Variants in CCDC57 observed in about 807,000 individuals in gnomAD.
CCDC57 encodes the protein coiled-coil domain-containing protein 57.
CCDC57 carries 118 observed loss-of-function variants against 118.9 expected under a neutral mutation model. That is an observed-to-expected ratio of 0.99 (90% CI 0.86 to 1.16). CCDC57 has a LOEUF of 1.16. Ranked by LOEUF, CCDC57 falls within the 50% of genes most tolerant of loss-of-function variation. The pLI is 0.00. For missense variants in CCDC57, 1,300 were observed against 1,320.7 expected (o/e 0.98, Z 0.24); for synonymous variants, 527 against 532.9 (o/e 0.99, Z 0.15).
intron 8 of CCDC57, among the ~76,000 whole-genome samples, chr17:82,185,869 A>G (rs1419079010): frequency 6.6e-6 from 1 of 152,184 alleles, no homozygotes; most frequent in East Asian, 1.9e-4. Context: ...TTAAGAAAGA[A>G]AAAAAGGAAC....
chr17:82,122,633 C>G (rs1568172102), intron 19 of CCDC57, among the ~76,000 whole-genome samples: 1 of 152,254 alleles, frequency 6.6e-6, no homozygotes, highest in Non-Finnish European at 1.5e-5. Context: ...TGTCTCCCGC[C>G]AGGCTTGCTT....
intron 19 of CCDC57, among the ~76,000 whole-genome samples, chr17:82,121,101 C>T (rs1369458817): frequency 6.6e-6 from 1 of 152,116 alleles, no homozygotes; most frequent in Admixed American, 6.5e-5. Flanking sequence ...AAATACCAGC[C>T]GTTGCCAGGC....
At position 82,172,776 on chromosome 17, in the gene CCDC57, A is replaced by G. The variant is rs745321215; in HGVS notation, c.1591T>C (p.Leu531=). The change falls in exon 12 of 20, where the codon TTG becomes CTG. Residue 531 remains leucine (L), a synonymous_variant. Coordinates refer to ENST00000665763, the Ensembl canonical transcript of CCDC57. This position sits in a 1 kb window ranked among gnomAD's most constrained non-coding sequence, Gnocchi z 5.2. The stretch of plus-strand genomic sequence containing the variant: ...CTCATCTGGGCAATCGCGTTTCGCA[A>G]GCTCGTGTTCTGCTCTCGGAGCCGC... 6.2e-7 allele frequency: 1 copy of G among 1,613,254 alleles called. No homozygotes were observed. The highest frequency in any genetic ancestry group is 8.5e-7 in the Non-Finnish European group (1 of 1,179,654).
intron 19 of CCDC57, among the ~76,000 whole-genome samples, chr17:82,108,550 A>C (rs2035023583): frequency 6.6e-6 from 1 of 152,170 alleles, no homozygotes; most frequent in African/African-American, 2.4e-5. Context: ...AGGGTAGTGC[A>C]TGTGACGGTG....
At chr17:82,134,881 T>C (rs2038933649) in intron 16 of CCDC57, among the ~76,000 whole-genome samples, 1 of 152,190 alleles carries the variant, frequency 6.6e-6, no homozygotes, top group South Asian at 2.1e-4. Context: ...CTAGCTTACT[T>C]AGAAATGACC....
chr17:82,127,692 C>A lies in CCDC57; in HGVS notation c.2899G>T (p.Glu967Ter). The change falls in exon 19 of 20, where the codon GAG (glutamate) becomes TAG (stop). Residue 967 changes from glutamate (E) to a stop codon, truncating the protein, a stop_gained and splice_region_variant. Transcript: ENST00000665763. LOFTEE classifies it low-confidence loss of function (END_TRUNC). ...GCTCCTGGGGAGGGCAGTCTCCTAC[C>A]TGGAGTTGAGTCACCCTGGGAGGTG... The A allele has an allele frequency of 6.3e-7, 1 of 1,599,820 alleles. No individual in the cohort carries two copies. The highest frequency in any genetic ancestry group is 8.5e-7 in the Non-Finnish European group (1 of 1,172,972).
At chr17:82,188,884 A>G (rs2047311964) in intron 7 of CCDC57, among the ~76,000 whole-genome samples, 1 of 152,096 alleles carries the variant, frequency 6.6e-6, no homozygotes, top group African/African-American at 2.4e-5. Flanking sequence ...CTGGCCTTGA[A>G]CTCAAGCAAT....
intron 19 of CCDC57, chr17:82,126,466 T>G: frequency 1.0e-6 from 1 of 976,648 alleles, no homozygotes; most frequent in Non-Finnish European, 1.2e-6. Context: ...CTGCTACAAA[T>G]CAATAAGAAA....
rs543421178 is a variant in CCDC57 at position 82,171,662 on chromosome 17, T to C, written c.1882+39A>G. ...TTTGCAGGGGTCAGATTTCAGTTTATAAGGGGACAGCAAGTACCCCACTGA... is the reference window on the plus strand; with the variant it reads ...TTTGCAGGGGTCAGATTTCAGTTTACAAGGGGACAGCAAGTACCCCACTGA... On this transcript the variant is annotated intron_variant, in intron 13 of 19. Coordinates refer to ENST00000665763, the Ensembl canonical transcript of CCDC57. The C allele has an allele frequency of 3.1e-6, 5 of 1,592,928 alleles. No individual in the cohort carries two copies. The African/African-American group carries it at 6.7e-5, about 21-fold the overall frequency.
intron 19 of CCDC57, chr17:82,113,437 A>G: frequency 1.4e-6 from 1 of 717,648 alleles, no homozygotes; most frequent in Non-Finnish European, 2.6e-6. Flanking sequence ...GTAGTGAGAA[A>G]CAAGAGAGCA....
chr17:82,157,769 G>A (rs760731041), exon 15 of CCDC57: 20 of 1,602,084 alleles, frequency 1.2e-5, no homozygotes, highest in Middle Eastern at 2.0e-4. Flanking sequence ...GGGCCACGGC[G>A]TCCGAGGCTG....
At chr17:82,184,789 A>G (rs1044193514) in intron 8 of CCDC57, among the ~76,000 whole-genome samples, 7 of 152,220 alleles carry the variant, frequency 4.6e-5, no homozygotes, top group Non-Finnish European at 1.0e-4. Context: ...TATAGAATGG[A>G]AAAAAAGCCA....
chr17:82,138,235 G>A (rs1415431163), intron 16 of CCDC57, among the ~76,000 whole-genome samples: 7 of 145,800 alleles, frequency 4.8e-5, no homozygotes, highest in Admixed American at 1.4e-4. Context: ...TGCAAGCTCC[G>A]CCTCCCGGGT....
chr17:82,176,306 A>G (rs529146581), intron 11 of CCDC57, among the ~76,000 whole-genome samples: 46 of 152,326 alleles, frequency 3.0e-4, no homozygotes, highest in African/African-American at 1.0e-3. Context: ...GGCTCAGGGC[A>G]TAAAACCCCT....
chr17:82,186,490 C>T (rs116965562), intron 8 of CCDC57, among the ~76,000 whole-genome samples: 2,844 of 152,242 alleles, frequency 0.019, 45 homozygotes, highest in Middle Eastern at 0.062. Context: ...GCTTTAGGTG[C>T]CTCCCATGCA....
At chr17:82,137,347 C>A (rs1435948511) in intron 16 of CCDC57, among the ~76,000 whole-genome samples, 80 of 152,166 alleles carry the variant, frequency 5.3e-4, no homozygotes, top group Non-Finnish European at 8.8e-5. Context: ...TTATTGACTT[C>A]CCCTAAACTA....
intron 17 of CCDC57, among the ~76,000 whole-genome samples, chr17:82,133,227 C>A (rs1465446440): frequency 1.3e-5 from 2 of 151,724 alleles, no homozygotes; most frequent in African/African-American, 4.8e-5. Context: ...AAAAATTAGC[C>A]ATTAGGCATG....
At chr17:82,139,031 G>A (rs916660710) in intron 16 of CCDC57, among the ~76,000 whole-genome samples, 1 of 152,176 alleles carries the variant, frequency 6.6e-6, no homozygotes, top group African/African-American at 2.4e-5. Context: ...CACACTTTTT[G>A]CCTCTCCACT....
At chr17:82,169,586 C>G (rs2044419944) in intron 13 of CCDC57, among the ~76,000 whole-genome samples, 1 of 152,082 alleles carries the variant, frequency 6.6e-6, no homozygotes, top group Non-Finnish European at 1.5e-5. Flanking sequence ...GGAAGGCAGC[C>G]AGGCTGGGCT....
Sources: gnomAD v4.1 joint callset for allele counts (sites outside exome capture counted in the v4.1 genomes callset) on GRCh38, gnomAD v4.1.1 for gene constraint, Gnocchi (gnomAD v3.1) non-coding constraint, MANE v1.5 for transcripts, NCBI Gene and HGNC (gene_info 2026-07-23, HGNC 2026-07-21) for gene names.